AMBRA1: variants seen among roughly 807,000 people sequenced by gnomAD.
AMBRA1 encodes the protein autophagy and beclin 1 regulator 1, also known as activating molecule in BECN1-regulated autophagy protein 1.
AMBRA1 carries 47 observed loss-of-function variants against 125.4 expected under a neutral mutation model. The observed-to-expected ratio is 0.37, with a 90% CI of 0.30 to 0.48. The LOEUF is 0.48. Among genes scored for constraint, AMBRA1 ranks in the 20% least tolerant of loss-of-function variants. AMBRA1 has a pLI of 0.99. For missense variants in AMBRA1, 1,331 were observed against 1,693.4 expected (o/e 0.79, Z 3.76); for synonymous variants, 626 against 655.5 (o/e 0.95, Z 0.69).
chr11:46,573,663 CTTTTTTTTTTT>C (rs142367481), intron 1 of AMBRA1, among the ~76,000 whole-genome samples: 16 of 138,706 alleles, frequency 1.2e-4, no homozygotes, highest in Non-Finnish European at 2.2e-4. Context: ...AATCCTTTTT[CTTTTTTTTTTT>C]TTTTATTATA....
chr11:46,553,085 G>A (rs1210137421), intron 1 of AMBRA1, among the ~76,000 whole-genome samples: 3 of 151,716 alleles, frequency 2.0e-5, no homozygotes, highest in Non-Finnish European at 4.4e-5. Context: ...TGGGACTACA[G>A]GCGCCTGCCA....
At chr11:46,584,349 A>G (rs1456560377) in intron 1 of AMBRA1, among the ~76,000 whole-genome samples, 2 of 130,464 alleles carry the variant, frequency 1.5e-5, no homozygotes, top group African/African-American at 5.9e-5. Flanking sequence ...CAGGAAGGGG[A>G]ACATCACACT....
rs1812065369 is a variant in AMBRA1, at chr11:46,397,308, T to C, written c.*142A>G. Reference sequence around the variant, plus strand: ...TGACTGTCTTGTGCCCACTGACTGATCTTCCTCTCCACCCTGACCCTCTTC... The same window carrying C: ...TGACTGTCTTGTGCCCACTGACTGACCTTCCTCTCCACCCTGACCCTCTTC... On this transcript the variant is annotated 3_prime_UTR_variant, in exon 18 of 18. Coordinates refer to ENST00000683756, the MANE Select transcript of AMBRA1 (RefSeq NM_001387011.1). 1.7e-6 allele frequency: 2 copies of C among 1,189,842 alleles called. No individual in the cohort carries two copies. The highest frequency in any genetic ancestry group is 2.2e-6 in the Non-Finnish European group (2 of 911,512). The allele number at this position is 1,189,842 out of a possible 1,614,324, so 73.7% of individuals were successfully genotyped here.
chr11:46,593,357 G>A (rs561442846), intron 1 of AMBRA1, among the ~76,000 whole-genome samples: 2 of 152,074 alleles, frequency 1.3e-5, no homozygotes, highest in Non-Finnish European at 2.9e-5. Flanking sequence ...CCAGAAAAAG[G>A]CGAGAACATA....
At chr11:46,455,841 T>C (rs1284026945) in intron 11 of AMBRA1, among the ~76,000 whole-genome samples, 1 of 152,178 alleles carries the variant, frequency 6.6e-6, no homozygotes, top group Non-Finnish European at 1.5e-5. Flanking sequence ...CTTCCTCCCA[T>C]GACACTGAAA....
intron 7 of AMBRA1, among the ~76,000 whole-genome samples, chr11:46,521,678 T>G (rs992848420): frequency 3.9e-5 from 6 of 152,256 alleles, no homozygotes; most frequent in Non-Finnish European, 7.3e-5. Context: ...ACACTAGCAA[T>G]TATCGTTTAA....
intron 7 of AMBRA1, among the ~76,000 whole-genome samples, chr11:46,533,319 T>C (rs954106787): frequency 6.6e-6 from 1 of 152,256 alleles, no homozygotes; most frequent in Non-Finnish European, 1.5e-5. Context: ...AATTGTACAT[T>C]TCTGTAATGT....
rs374736699 is a variant in AMBRA1 at position 46,541,935 on chromosome 11, G to C, written c.2072+10C>G. ...CAAGGGATGCAGAAGATAGGAAAGCGACTGCTTACCTCCTGAGTGAATCCT... is the reference window on the plus strand; with the variant it reads ...CAAGGGATGCAGAAGATAGGAAAGCCACTGCTTACCTCCTGAGTGAATCCT... On this transcript the variant is annotated intron_variant, in intron 7 of 17. Transcript: ENST00000683756. 1 of 1,599,514 alleles carries C rather than the reference G, an allele frequency of 6.3e-7. No individual in the cohort carries two copies. Among genetic ancestry groups the C allele is most frequent in the South Asian group, 1.1e-5 (1 of 88,116 alleles).
intron 11 of AMBRA1, among the ~76,000 whole-genome samples, chr11:46,457,555 T>A (rs1948902053): frequency 6.6e-6 from 1 of 152,100 alleles, no homozygotes; most frequent in Non-Finnish European, 1.5e-5. Context: ...CTTTTTTGAG[T>A]AAGGTCAAAA....
At chr11:46,575,207 C>T (rs151135852) in intron 1 of AMBRA1, among the ~76,000 whole-genome samples, 4 of 152,166 alleles carry the variant, frequency 2.6e-5, no homozygotes, top group African/African-American at 7.2e-5. Flanking sequence ...CCTGTAATCC[C>T]GGCACTTTGG....
chr11:46,457,796 GAA>G (rs540427999), intron 11 of AMBRA1, among the ~76,000 whole-genome samples: 44 of 151,790 alleles, frequency 2.9e-4, no homozygotes, highest in Middle Eastern at 3.4e-3. Context: ...CAACTACTTA[GAA>G]GGCTGAGGCA....
At chr11:46,484,999 G>A (rs558520100) in intron 11 of AMBRA1, among the ~76,000 whole-genome samples, 4 of 150,636 alleles carry the variant, frequency 2.7e-5, no homozygotes, top group East Asian at 2.0e-4. Context: ...GTGCAATGGC[G>A]CGATCTCAGC....
intron 11 of AMBRA1, among the ~76,000 whole-genome samples, chr11:46,445,086 A>C (rs998091284): frequency 6.6e-6 from 1 of 150,536 alleles, no homozygotes; most frequent in East Asian, 1.9e-4. Context: ...AAAAAAAAAC[A>C]AAAAAAAACT....
At chr11:46,538,791 C>T (rs1035772414) in intron 7 of AMBRA1, among the ~76,000 whole-genome samples, 2 of 152,184 alleles carry the variant, frequency 1.3e-5, no homozygotes, top group African/African-American at 4.8e-5. Context: ...AGCCACTGCA[C>T]CTACCCAGTA....
At chr11:46,571,160 A>ATTC (rs1421171544) in intron 1 of AMBRA1, among the ~76,000 whole-genome samples, 1 of 152,198 alleles carries the variant, frequency 6.6e-6, no homozygotes, top group African/African-American at 2.4e-5. Flanking sequence ...ACAAATACCA[A>ATTC]TTCTTATGCC....
intron 7 of AMBRA1, among the ~76,000 whole-genome samples, chr11:46,528,760 T>A (rs1952088000): frequency 6.6e-6 from 1 of 152,186 alleles, no homozygotes; most frequent in African/African-American, 2.4e-5. Context: ...ATCTATGTTA[T>A]GTTTTCTATC....
At chr11:46,432,479 C>T (rs1189062035) in intron 14 of AMBRA1, among the ~76,000 whole-genome samples, 1 of 152,158 alleles carries the variant, frequency 6.6e-6, no homozygotes, top group Non-Finnish European at 1.5e-5. Context: ...AGGACCACAC[C>T]AGGCCACCCA....
Position 46,527,477 on chromosome 11 carries a change from C to CAAA in AMBRA1, c.2072+14465_2072+14467dup, listed in dbSNP as rs59904013. On this transcript the variant is annotated intron_variant, in intron 7 of 17. Coordinates refer to ENST00000683756, the MANE Select transcript of AMBRA1 (RefSeq NM_001387011.1). ...CCTAGGTGACAAAGTGAGACTGTCTCAAAAAAAAAAAAAAAAAAAAAAAAA... is the reference window on the plus strand; with the variant it reads ...CCTAGGTGACAAAGTGAGACTGTCTCAAAAAAAAAAAAAAAAAAAAAAAAAAAA... 3.0e-3 allele frequency among the ~76,000 whole-genome samples: 77 copies of CAAA among 25,934 alleles called. 24 individuals are homozygous for CAAA. The highest frequency in any genetic ancestry group is 0.062 in the Middle Eastern group (2 of 32). 17.0% of individuals were successfully genotyped at this position (25,934 alleles called of 152,430 possible).
intron 1 of AMBRA1, among the ~76,000 whole-genome samples, chr11:46,580,783 G>C (rs1303417601): frequency 1.3e-5 from 2 of 151,988 alleles, no homozygotes; most frequent in Middle Eastern, 6.4e-3. Context: ...ACAGTAATGG[G>C]GTGTTGCTGT....
Sources: gnomAD v4.1 joint callset for allele counts (sites outside exome capture counted in the v4.1 genomes callset) on GRCh38, gnomAD v4.1.1 for gene constraint, MANE v1.5 for transcripts, NCBI Gene and HGNC (gene_info 2026-07-23, HGNC 2026-07-21) for gene names.